Variants in CDH12 observed in about 807,000 individuals in gnomAD.
The protein encoded by CDH12 is cadherin-12.
A neutral mutation model predicts 74.1 loss-of-function variants in CDH12; 41 were observed. That is an observed-to-expected ratio of 0.55 (90% confidence interval 0.43 to 0.72). CDH12 has a LOEUF of 0.72. Among genes scored for constraint, CDH12 ranks in the 30% least tolerant of loss-of-function variants. CDH12 has a pLI of 0.00. For missense variants in CDH12, 945 were observed against 977.2 expected (o/e 0.97, Z 0.44); for synonymous variants, 399 against 355.0 (o/e 1.12, Z -1.39).
At chr5:22,535,829 C>T (rs868733652) in intron 1 of CDH12, among the ~76,000 whole-genome samples, 12 of 152,144 alleles carry the variant, frequency 7.9e-5, no homozygotes, top group South Asian at 6.2e-4. Context: ...ACAGTCGGAC[C>T]TCTGTATTCA....
intron 3 of CDH12, among the ~76,000 whole-genome samples, chr5:22,246,065 T>C (rs1752934376): frequency 6.6e-6 from 1 of 152,114 alleles, no homozygotes; most frequent in Non-Finnish European, 1.5e-5. Context: ...CCTTTTCACA[T>C]ACAAATTCTA....
At chr5:22,235,752 G>A (rs1752538373) in intron 3 of CDH12, among the ~76,000 whole-genome samples, 1 of 152,116 alleles carries the variant, frequency 6.6e-6, no homozygotes, top group Admixed American at 6.6e-5. Flanking sequence ...TAAAAGAGTA[G>A]CAGAAAGAAA....
chr5:21,780,391 G>A (rs746919794), intron 11 of CDH12, among the ~76,000 whole-genome samples: 7 of 152,204 alleles, frequency 4.6e-5, no homozygotes, highest in South Asian at 2.1e-4. Flanking sequence ...AGACCTTATC[G>A]TTATGAGTGT....
intron 6 of CDH12, among the ~76,000 whole-genome samples, chr5:21,861,452 G>A (rs1229896857): frequency 1.3e-5 from 2 of 151,966 alleles, no homozygotes; most frequent in Non-Finnish European, 1.5e-5. Context: ...AAAGTGAGTA[G>A]TACTTTACAA....
At position 22,456,107 on chromosome 5, in the gene CDH12, T is replaced by TTA. The variant is rs36020133; in HGVS notation, c.-428+49161_-428+49162dup. ...ATTATTCATTTCTGCCATGTGGATA[T>TTA]TATATATATATATATATATATATAT... On this transcript the variant is annotated intron_variant, in intron 2 of 14. Coordinates refer to ENST00000382254, the MANE Select transcript of CDH12 (RefSeq NM_004061.5). Among the ~76,000 whole-genome samples, 541 of 147,864 alleles carry TTA rather than the reference T, an allele frequency of 3.7e-3. 5 individuals are homozygous for TTA. Among genetic ancestry groups the TTA allele is most frequent in the Middle Eastern group, 0.021 (6 of 286 alleles).
intron 7 of CDH12, among the ~76,000 whole-genome samples, chr5:21,848,960 C>A (rs561636813): frequency 6.6e-6 from 1 of 151,804 alleles, no homozygotes. Context: ...CCTGTCAGGT[C>A]GTATGTTATA....
chr5:21,973,565 G>A (rs1014821117), intron 6 of CDH12, among the ~76,000 whole-genome samples: 13 of 152,222 alleles, frequency 8.5e-5, no homozygotes, highest in East Asian at 1.9e-4. Flanking sequence ...CCAAGGAGAC[G>A]GAATTTTCCA....
chr5:21,881,147 A>G (rs369425371), intron 6 of CDH12, among the ~76,000 whole-genome samples: 1 of 152,166 alleles, frequency 6.6e-6, no homozygotes, highest in African/African-American at 2.4e-5. Flanking sequence ...ATGAAAAAAA[A>G]CTGCTGAAAT....
intron 1 of CDH12, among the ~76,000 whole-genome samples, chr5:22,800,843 AG>A (rs1748472709): frequency 6.6e-6 from 1 of 152,120 alleles, no homozygotes; most frequent in Non-Finnish European, 1.5e-5. Flanking sequence ...CTTTACATTT[AG>A]GGTTCCTCCT....
intron 3 of CDH12, among the ~76,000 whole-genome samples, chr5:22,396,040 T>A (rs1321267904): frequency 6.8e-6 from 1 of 147,660 alleles, no homozygotes; most frequent in Non-Finnish European, 1.5e-5. Context: ...AGTTGATTCA[T>A]GATGATTGAA....
At chr5:21,967,235 C>T (rs1481648261) in intron 6 of CDH12, among the ~76,000 whole-genome samples, 2 of 152,166 alleles carry the variant, frequency 1.3e-5, no homozygotes, top group South Asian at 2.1e-4. Flanking sequence ...ACTGCTCTCC[C>T]ATGATCACTT....
At chr5:22,817,370 G>T (rs1168129596) in intron 1 of CDH12, among the ~76,000 whole-genome samples, 2 of 151,912 alleles carry the variant, frequency 1.3e-5, no homozygotes, top group Non-Finnish European at 2.9e-5. Context: ...AAATTCATCA[G>T]AGACACTGAT....
At chr5:22,832,215 A>G (rs1238564883) in intron 1 of CDH12, among the ~76,000 whole-genome samples, 1 of 152,206 alleles carries the variant, frequency 6.6e-6, no homozygotes, top group Non-Finnish European at 1.5e-5. Context: ...GCACCTTCAT[A>G]TACAGAATGG....
intron 1 of CDH12, among the ~76,000 whole-genome samples, chr5:22,596,697 G>GGATT (rs1736623673): frequency 6.6e-6 from 1 of 152,056 alleles, no homozygotes; most frequent in Non-Finnish European, 1.5e-5. Flanking sequence ...AGCAAACCTG[G>GGATT]GATTCAGTGT....
chr5:22,669,875 A>G (rs954138151), intron 1 of CDH12, among the ~76,000 whole-genome samples: 24 of 150,854 alleles, frequency 1.6e-4, no homozygotes, highest in African/African-American at 5.6e-4. Flanking sequence ...TAATTATGCT[A>G]TGGCACAGAA....
intron 4 of CDH12, among the ~76,000 whole-genome samples, chr5:22,081,188 T>A (rs1183184394): frequency 6.6e-6 from 1 of 152,196 alleles, no homozygotes; most frequent in Admixed American, 6.5e-5. Context: ...ACAATACAGT[T>A]TGAATCACAA....
At chr5:21,909,051 T>C (rs1337771654) in intron 6 of CDH12, among the ~76,000 whole-genome samples, 2 of 152,190 alleles carry the variant, frequency 1.3e-5, no homozygotes, top group African/African-American at 4.8e-5. Context: ...TTATAACAAA[T>C]AAACCAAACA....
chr5:22,651,339 G>A (rs577701364), intron 1 of CDH12, among the ~76,000 whole-genome samples: 1 of 152,116 alleles, frequency 6.6e-6, no homozygotes, highest in South Asian at 2.1e-4. Context: ...CCAAGATTGG[G>A]CAATTTAAAA....
At chr5:22,632,067 A>G (rs965250605) in intron 1 of CDH12, among the ~76,000 whole-genome samples, 2 of 152,144 alleles carry the variant, frequency 1.3e-5, no homozygotes, top group Non-Finnish European at 2.9e-5. Flanking sequence ...AGCAGAGGGT[A>G]GAGGTTGGGA....
Sources: gnomAD v4.1 joint callset for allele counts (sites outside exome capture counted in the v4.1 genomes callset) on GRCh38, gnomAD v4.1.1 for gene constraint, MANE v1.5 for transcripts, NCBI Gene and HGNC (gene_info 2026-07-23, HGNC 2026-07-21) for gene names.